Variants in DMD observed in about 807,000 individuals in gnomAD.
DMD encodes dystrophin.
In DMD, 63 loss-of-function variants were observed where a neutral mutation model predicts 330.1. The observed-to-expected ratio is 0.19, with a 90% CI of 0.16 to 0.24. DMD has a LOEUF of 0.24. DMD is among the 10% of genes least tolerant of loss of function. The pLI is 1.00. For synonymous variants in DMD, 1,223 were observed against 959.8 expected (o/e 1.27, Z -5.07); for missense variants, 3,344 against 2,684.1 (o/e 1.25, Z -5.43).
rs1243117482 is a variant in DMD, at chrX:31,247,004, C to T, written c.9286+13951G>A. 2.7e-5 allele frequency among the ~76,000 whole-genome samples: 3 copies of T among 111,409 alleles called. No individual in the cohort carries two copies. The Admixed American group carries it at 2.9e-4, about 11-fold the overall frequency. On this transcript the variant is annotated intron_variant, in intron 63 of 78. Coordinates refer to ENST00000357033, the MANE Select transcript of DMD (RefSeq NM_004006.3). ...AAATGGAAAAACAAAGCTTGGATGA[C>T]AGCGTATCTGTTTACGGCATGGTTT...
At chrX:32,372,599 G>A (rs1261412417) in intron 34 of DMD, among the ~76,000 whole-genome samples, 2 of 111,446 alleles carry the variant, frequency 1.8e-5, no homozygotes, top group East Asian at 2.8e-4. Context: ...TGGCTGCCTC[G>A]TGGCATTGCT....
chrX:32,014,708 C>T (rs1434211188), intron 44 of DMD, among the ~76,000 whole-genome samples: 2 of 111,732 alleles, frequency 1.8e-5, no homozygotes, highest in East Asian at 2.8e-4. Flanking sequence ...TAGTAACACA[C>T]GAAGAACCCT....
At position 31,712,551 on chromosome X, in the gene DMD, T is replaced by C. The variant is rs1201045138; in HGVS notation, c.7660+17080A>G. Among the ~76,000 whole-genome samples the C allele has an allele frequency of 2.7e-5, 3 of 112,250 alleles. No homozygotes were observed. In the East Asian group the frequency reaches 8.4e-4, roughly 31 times the overall value. ...TTTATTCACTTAATCTAGTGAATGA[T>C]GTAATGATTGTAATATTTTCGTTCA... On this transcript the variant is annotated intron_variant, in intron 52 of 78. Transcript: ENST00000357033.
In DMD at chrX:31,751,646, G is replaced by A. The variant is rs559013430; in HGVS notation, c.7543-21898C>T. ...AAATACAAATTCATATGGCTAAAACGGAGTGGACCATGACATTGCCCCCAG... is the reference window on the plus strand; with the variant it reads ...AAATACAAATTCATATGGCTAAAACAGAGTGGACCATGACATTGCCCCCAG... On this transcript the variant is annotated intron_variant, in intron 51 of 78. Coordinates refer to ENST00000357033, the MANE Select transcript of DMD (RefSeq NM_004006.3). Among the ~76,000 whole-genome samples, 28 of 111,486 alleles carry A rather than the reference G, an allele frequency of 2.5e-4. No homozygotes were observed. The South Asian group carries it at 8.0e-3, about 32-fold the overall frequency.
chrX:31,552,032 G>A (rs1029990852), intron 55 of DMD, among the ~76,000 whole-genome samples: 1 of 112,164 alleles, frequency 8.9e-6, no homozygotes, highest in Non-Finnish European at 1.9e-5. Flanking sequence ...AAGGTGCCCT[G>A]GCCACAATAT....
intron 2 of DMD, among the ~76,000 whole-genome samples, chrX:33,009,934 G>C (rs2093624889): frequency 3.5e-5 from 2 of 57,590 alleles, no homozygotes; most frequent in Non-Finnish European, 6.4e-5. Context: ...ATACACATGT[G>C]TGTATATACA....
At chrX:31,882,337 T>G (rs1229659182) in intron 47 of DMD, among the ~76,000 whole-genome samples, 1 of 111,771 alleles carries the variant, frequency 8.9e-6, no homozygotes, top group Non-Finnish European at 1.9e-5. Context: ...GTTAACTGAT[T>G]AGTCATTTGA....
intron 44 of DMD, among the ~76,000 whole-genome samples, chrX:32,125,390 G>A (rs770455973): frequency 8.9e-6 from 1 of 111,888 alleles, no homozygotes; most frequent in African/African-American, 3.3e-5. Context: ...ACTGGATAGT[G>A]TCATTCACTG....
intron 67 of DMD, among the ~76,000 whole-genome samples, chrX:31,196,945 CAG>C (rs750529401): frequency 9.7e-6 from 1 of 103,181 alleles, no homozygotes; most frequent in East Asian, 3.2e-4. Context: ...TGCAGAGAAA[CAG>C]AATCTCCAGA....
intron 44 of DMD, among the ~76,000 whole-genome samples, chrX:32,132,762 A>AT (rs746652187): frequency 1.8e-5 from 2 of 110,169 alleles, no homozygotes; most frequent in South Asian, 3.9e-4. Context: ...TGAATACTAT[A>AT]TTTTTTCACA....
intron 7 of DMD, among the ~76,000 whole-genome samples, chrX:32,726,979 G>A (rs946873059): frequency 9.0e-6 from 1 of 110,604 alleles, no homozygotes; most frequent in Non-Finnish European, 1.9e-5. Flanking sequence ...TCATCTTGGA[G>A]ATGGTAGATT....
At chrX:32,221,349 C>T (rs892974806) in intron 43 of DMD, among the ~76,000 whole-genome samples, 1 of 16,686 alleles carries the variant, frequency 6.0e-5, no homozygotes, top group African/African-American at 6.2e-4. Flanking sequence ...ACTGTATGTG[C>T]GAATAAATAA....
chrX:32,019,393 C>T (rs917492503), intron 44 of DMD, among the ~76,000 whole-genome samples: 4 of 111,510 alleles, frequency 3.6e-5, no homozygotes, highest in African/African-American at 1.3e-4. Context: ...TTCAATAGAT[C>T]GAACTGAATT....
intron 44 of DMD, among the ~76,000 whole-genome samples, chrX:31,969,767 C>T (rs1194376197): frequency 1.8e-5 from 2 of 111,878 alleles, no homozygotes; most frequent in African/African-American, 6.5e-5. Context: ...TTAAAATACT[C>T]TGTAAATCAG....
chrX:31,405,009 A>G (rs2061347915), intron 60 of DMD, among the ~76,000 whole-genome samples: 1 of 111,786 alleles, frequency 8.9e-6, no homozygotes, highest in Non-Finnish European at 1.9e-5. Context: ...AAATAATGTC[A>G]ATTAGAGAGA....
chrX:32,511,138 A>G (rs755574123), intron 18 of DMD, among the ~76,000 whole-genome samples: 5 of 110,314 alleles, frequency 4.5e-5, no homozygotes, highest in African/African-American at 1.6e-4. Context: ...TAATATTACC[A>G]TATTAGTCCA....
intron 60 of DMD, among the ~76,000 whole-genome samples, chrX:31,425,240 C>T (rs1216082137): frequency 3.6e-4 from 40 of 112,411 alleles, no homozygotes; most frequent in Non-Finnish European, 5.6e-5. Context: ...TACATGCATA[C>T]TGTGAGCTCT....
At chrX:31,526,771 C>G (rs925587345) in intron 55 of DMD, among the ~76,000 whole-genome samples, 2 of 111,495 alleles carry the variant, frequency 1.8e-5, no homozygotes, top group Admixed American at 9.5e-5. Context: ...ATCTTATTCC[C>G]AAAGTATAGA....
rs180719577 is a variant in DMD, at chrX:31,968,332, G to T, written c.6614+7C>A. ...TGTTTTCATTCCTATTAGATCTGTC[G>T]CCCTACCTCTTTTTTCTGTCTGACA... On this transcript the variant is annotated splice_region_variant and intron_variant, in intron 45 of 78. Transcript: ENST00000357033. 118 of 1,207,071 alleles carry T rather than the reference G, an allele frequency of 9.8e-5. 1 individual carries two copies. The East Asian group carries it at 3.4e-3, about 35-fold the overall frequency.
Sources: allele counts gnomAD v4.1 joint callset (sites outside exome capture counted in the v4.1 genomes callset), GRCh38; gene constraint gnomAD v4.1.1; transcripts MANE v1.5; gene names NCBI Gene and HGNC (gene_info 2026-07-23, HGNC 2026-07-21).